Variants in HHIP observed in about 807,000 individuals in gnomAD.
HHIP encodes the protein hedgehog-interacting protein.
HHIP carries 12 observed loss-of-function variants against 74.0 expected under a neutral mutation model. The ratio of observed to expected loss-of-function variants is 0.16; its 90% CI spans 0.10 to 0.26. The LOEUF is 0.26. HHIP is among the 10% of genes least tolerant of loss of function. HHIP has a pLI of 1.00. For missense variants in HHIP, 788 were observed against 845.0 expected (o/e 0.93, Z 0.84); for synonymous variants, 309 against 311.6 (o/e 0.99, Z 0.09).
At position 144,742,940 on chromosome 4, in the gene HHIP, T is replaced by C. The variant is rs1346769761; in HGVS notation, c.*4983T>C. 4.1e-5 allele frequency: 5 copies of C among 123,406 alleles called. No individual in the cohort carries two copies. Among genetic ancestry groups the C allele is most frequent in the African/African-American group, 1.5e-4 (5 of 32,408 alleles). The allele number at this position is 123,406 out of a possible 1,614,324, so 7.6% of individuals were successfully genotyped here. A position where few individuals can be genotyped will look rare whatever the true frequency, so the allele number is the denominator to read the frequency against. Reference sequence around the variant, plus strand: ...TATATATATATCTTTATATATATCTTATATATATATCTTATACATATAAGA... The same window carrying C: ...TATATATATATCTTTATATATATCTCATATATATATCTTATACATATAAGA... On this transcript the variant is annotated 3_prime_UTR_variant, in exon 13 of 13. Coordinates refer to ENST00000296575, the MANE Select transcript of HHIP (RefSeq NM_022475.3).
rs1332428928 is a variant in HHIP at position 144,718,923 on chromosome 4, A to G, written c.1727A>G (p.Asn576Ser). 3.7e-6 allele frequency: 6 copies of G among 1,609,450 alleles called. No homozygotes were observed. The highest frequency in any genetic ancestry group is 2.7e-5 in the African/African-American group (2 of 74,782). ...SSSKSMTQTH[N>S]GKLYKIVDPK... Reference sequence around the variant, plus strand: ...AGTAAAAGTATGACCCAGACTCACAATGGAAAACTCTACAAAATTGTAGAT... The same window carrying G: ...AGTAAAAGTATGACCCAGACTCACAGTGGAAAACTCTACAAAATTGTAGAT... Residue 576 changes from asparagine to serine, a missense_variant, in exon 11 of 13, where the codon AAT (asparagine) becomes AGT (serine). This residue lies in a region of HHIP where 343 missense variants were observed against 347.9 expected (regional missense o/e 0.99). Transcript: ENST00000296575.
chr4:144,687,124 C>A (rs1362487988), intron 4 of HHIP, among the ~76,000 whole-genome samples: 5 of 152,080 alleles, frequency 3.3e-5, no homozygotes, highest in Non-Finnish European at 7.4e-5. Flanking sequence ...TTGGTTACAG[C>A]TTCATAATGT....
intron 7 of HHIP, among the ~76,000 whole-genome samples, chr4:144,711,208 T>C (rs893790187): frequency 1.4e-4 from 21 of 152,334 alleles, no homozygotes; most frequent in Admixed American, 1.2e-3. Context: ...TGTTTTCCTG[T>C]GTTAGAGCAG....
At position 144,646,547 on chromosome 4, in the gene HHIP, C is replaced by T. The variant is rs1728263597; in HGVS notation, c.-129C>T. The T allele has an allele frequency of 4.4e-6, 4 of 907,174 alleles. No individual in the cohort carries two copies. In the Admixed American group the frequency reaches 1.0e-4, roughly 23 times the overall value. The allele number at this position is 907,174 out of a possible 1,614,324, so 56.2% of individuals were successfully genotyped here. On this transcript the variant is annotated 5_prime_UTR_variant, in exon 1 of 13. Coordinates refer to ENST00000296575, the MANE Select transcript of HHIP (RefSeq NM_022475.3). ...GCTGTACATATTTTTGTCCCCGCCA[C>T]CTCCCTCTGTCTCTGGAGTGCCCTA...
Position 144,718,930 on chromosome 4 carries a change from ACT to A in HHIP, c.1737_1738del (p.Tyr580GlnfsTer12). 1 of 1,606,880 alleles carries A rather than the reference ACT, an allele frequency of 6.2e-7. No homozygotes were observed. The highest frequency in any genetic ancestry group is 8.5e-7 in the Non-Finnish European group (1 of 1,173,970). On this transcript the variant is annotated frameshift_variant, in exon 11 of 13. Transcript: ENST00000296575. LOFTEE classifies it high-confidence loss of function. ...GTATGACCCAGACTCACAATGGAAA[ACT>A]CTACAAAATTGTAGATCCCAAAAGG... Reference protein sequence around the residue: ...KSMTQTHNGKLYKIVDPKRPL... With the variant: ...KSMTQTHNGKXYKIVDPKRPL...
intron 11 of HHIP, among the ~76,000 whole-genome samples, chr4:144,725,616 G>T (rs1242961694): frequency 6.6e-6 from 1 of 151,974 alleles, no homozygotes; most frequent in Non-Finnish European, 1.5e-5. Context: ...TTTGAATTAT[G>T]TTGTAATACC....
chr4:144,690,747 A>C (rs1346779982), intron 4 of HHIP, among the ~76,000 whole-genome samples: 1 of 150,428 alleles, frequency 6.6e-6, no homozygotes, highest in African/African-American at 2.4e-5. Context: ...TATTTTGAAG[A>C]GGCAAAGTAA....
At chr4:144,714,825 A>G (rs1730399976) in intron 9 of HHIP, among the ~76,000 whole-genome samples, 1 of 152,208 alleles carries the variant, frequency 6.6e-6, no homozygotes, top group Non-Finnish European at 1.5e-5. Flanking sequence ...TCAATTTTCA[A>G]GGTCACATTG....
chr4:144,704,342 T>A (rs1730070959), intron 4 of HHIP, among the ~76,000 whole-genome samples: 2 of 152,222 alleles, frequency 1.3e-5, no homozygotes, highest in African/African-American at 4.8e-5. Context: ...TGACTTTTTT[T>A]AAATTGCTTT....
intron 4 of HHIP, among the ~76,000 whole-genome samples, chr4:144,664,330 C>G (rs1728797177): frequency 6.6e-6 from 1 of 152,220 alleles, no homozygotes; most frequent in African/African-American, 2.4e-5. Context: ...GAGGAGGATG[C>G]AGGGTCCACC....
chr4:144,657,692 A>T (rs1473154240), intron 2 of HHIP, among the ~76,000 whole-genome samples: 1 of 152,202 alleles, frequency 6.6e-6, no homozygotes, highest in African/African-American at 2.4e-5. Flanking sequence ...AAAATATTTA[A>T]TGTGTAAGAA....
Position 144,737,838 on chromosome 4 carries a change from C to A in HHIP, c.1984C>A (p.Leu662Ile), listed in dbSNP as rs1731159856. 1 of 1,613,920 alleles carries A rather than the reference C, an allele frequency of 6.2e-7. No homozygotes were observed. The highest frequency in any genetic ancestry group is 8.5e-7 in the Non-Finnish European group (1 of 1,179,856). The change falls in exon 13 of 13, where the codon CTT (leucine) becomes ATT (isoleucine). Residue 662 changes from leucine to isoleucine, a missense_variant. By Grantham distance (5) the Leu-to-Ile change is conservative. This residue lies in a region of HHIP where 343 missense variants were observed against 347.9 expected (regional missense o/e 0.99). Transcript: ENST00000296575. The part of the protein sequence containing the change: ...PNKCLCKKGY[L>I]GPQCEQVDRN... ...CAAGTGCCTCTGTAAAAAAGGATAT[C>A]TTGGTCCTCAATGTGAACAAGTGGA...
At chr4:144,690,039 C>T (rs1729602483) in intron 4 of HHIP, among the ~76,000 whole-genome samples, 1 of 152,132 alleles carries the variant, frequency 6.6e-6, no homozygotes. Context: ...AACTCGTGAC[C>T]TCACCTGATC....
intron 2 of HHIP, among the ~76,000 whole-genome samples, chr4:144,653,051 C>T (rs895421358): frequency 5.9e-5 from 9 of 152,084 alleles, no homozygotes; most frequent in African/African-American, 2.2e-4. Flanking sequence ...GTAATAACAG[C>T]TTAACAGATT....
intron 3 of HHIP, 141 bp from the exon 4 acceptor site, chr4:144,659,496 T>G (rs1287418457): frequency 4.0e-6 from 2 of 504,066 alleles, no homozygotes; most frequent in South Asian, 1.3e-4. Flanking sequence ...AGAATTATAT[T>G]GTGACCCTTG....
At chr4:144,685,121 C>T (rs13106785) in intron 4 of HHIP, among the ~76,000 whole-genome samples, 4 of 152,206 alleles carry the variant, frequency 2.6e-5, no homozygotes, top group African/African-American at 9.6e-5. Context: ...ATACCAATAT[C>T]ATTTTCCTGC....
intron 4 of HHIP, among the ~76,000 whole-genome samples, chr4:144,684,517 G>C (rs1333080046): frequency 6.6e-6 from 1 of 151,374 alleles, no homozygotes; most frequent in Non-Finnish European, 1.5e-5. Context: ...CCGACCTCGT[G>C]ATCCGCCCGC....
intron 4 of HHIP, among the ~76,000 whole-genome samples, chr4:144,675,563 T>C (rs1187405621): frequency 6.6e-6 from 1 of 152,100 alleles, no homozygotes; most frequent in East Asian, 1.9e-4. Flanking sequence ...CTCATTAGTT[T>C]TGGCTAATAT....
At chr4:144,703,214 CA>C (rs11398510) in intron 4 of HHIP, among the ~76,000 whole-genome samples, 1,471 of 143,158 alleles carry the variant, frequency 0.01, 28 homozygotes, top group African/African-American at 0.035. Context: ...AACTCCATCT[CA>C]AAAAAAAAAA....
Sources: gnomAD v4.1 joint callset for allele counts (sites outside exome capture counted in the v4.1 genomes callset) on GRCh38, gnomAD v4.1.1 for gene constraint, gnomAD v4.1.1 regional missense constraint, MANE v1.5 for transcripts, NCBI Gene and HGNC (gene_info 2026-07-23, HGNC 2026-07-21) for gene names.